The following SLC30A8 variants were observed in gnomAD, a reference collection of about 807,000 sequenced individuals.
SLC30A8 encodes solute carrier family 30 member 8, also known as proton-coupled zinc antiporter SLC30A8.
Under a neutral mutation model 36.9 loss-of-function variants are expected in SLC30A8, and 27 were observed. That is an observed-to-expected ratio of 0.73 (90% CI 0.54 to 1.01). The LOEUF is 1.01. Among genes scored for constraint, SLC30A8 ranks in the 50% least tolerant of loss-of-function variants. The pLI, the probability that SLC30A8 is intolerant of heterozygous loss-of-function variation, is 0.00. For synonymous variants in SLC30A8, 164 were observed against 172.4 expected (o/e 0.95, Z 0.38); for missense variants, 439 against 452.0 (o/e 0.97, Z 0.26).
chr8:117,016,729 A>T (rs1184878419), intron 1 of SLC30A8, among the ~76,000 whole-genome samples: 1 of 152,222 alleles, frequency 6.6e-6, no homozygotes, highest in Non-Finnish European at 1.5e-5. Flanking sequence ...AAATATGCTT[A>T]GAGCTTAAGA....
At chr8:117,140,485 C>T (rs142594511) in intron 1 of SLC30A8, among the ~76,000 whole-genome samples, 220 of 151,940 alleles carry the variant, frequency 1.4e-3, no homozygotes, top group African/African-American at 5.0e-3. Context: ...AAATAAAAAA[C>T]CTTGAAAGCA....
At chr8:117,146,784 C>A (rs1821917084) in intron 1 of SLC30A8, 170 bp from the exon 2 acceptor site, 5 of 1,406,182 alleles carry the variant, frequency 3.6e-6, no homozygotes, top group Non-Finnish European at 3.7e-6. Context: ...AAGGAAATTT[C>A]TAGCTTGTTT....
intron 1 of SLC30A8, among the ~76,000 whole-genome samples, chr8:117,001,927 A>G (rs1314079618): frequency 6.6e-6 from 1 of 152,216 alleles, no homozygotes; most frequent in Non-Finnish European, 1.5e-5. Context: ...ACCATTCTCT[A>G]AACAGAAGCT....
intron 2 of SLC30A8, among the ~76,000 whole-genome samples, chr8:117,053,625 G>A (rs1031886418): frequency 6.6e-6 from 1 of 152,176 alleles, no homozygotes; most frequent in Non-Finnish European, 1.5e-5. Context: ...GCTCTGACAA[G>A]CAAATCATGG....
chr8:117,153,785 G>T (rs748639146), intron 3 of SLC30A8, among the ~76,000 whole-genome samples: 8 of 151,146 alleles, frequency 5.3e-5, no homozygotes, highest in African/African-American at 1.7e-4. Flanking sequence ...GTTGACTGTT[G>T]TAACAGGAGG....
chr8:117,016,313 A>G (rs2130714067), intron 1 of SLC30A8, among the ~76,000 whole-genome samples: 1 of 152,342 alleles, frequency 6.6e-6, no homozygotes, highest in East Asian at 1.9e-4. Context: ...ATATTGAATC[A>G]AAGAGTTTTT....
intron 2 of SLC30A8, among the ~76,000 whole-genome samples, chr8:117,067,814 T>TCTAGTCATACTAAATGTC (rs1818214900): frequency 6.6e-6 from 1 of 152,182 alleles, no homozygotes; most frequent in Non-Finnish European, 1.5e-5. Flanking sequence ...GGCACAATGT[T>TCTAGTCATACTAAATGTC]CTAGTCATAC....
rs183899590 is a variant in SLC30A8 at position 117,032,846 on chromosome 8, C to T, written c.-265-6373C>T. On this transcript the variant is annotated intron_variant, in intron 1 of 10. Coordinates refer to the SLC30A8 transcript ENST00000427715. ...CGGAGGTTGCAATGAGCTGAGGTTG[C>T]GCCATTGCACTCCAGCCTGGGTGAC... Among the ~76,000 whole-genome samples, 44 of 151,494 alleles carry T rather than the reference C, an allele frequency of 2.9e-4. No homozygotes were observed. The East Asian group carries it at 4.1e-3, about 14-fold the overall frequency.
chr8:117,043,297 CTG>C (rs1817447903), intron 2 of SLC30A8, among the ~76,000 whole-genome samples: 1 of 152,230 alleles, frequency 6.6e-6, no homozygotes, highest in Non-Finnish European at 1.5e-5. Flanking sequence ...ACCCTCCAAA[CTG>C]TGGACTTTCA....
In SLC30A8 at chr8:117,099,098, T is replaced by C. The variant is rs183889573; in HGVS notation, c.-225-36182T>C. ...CAGCATGCTAGAAGTAGGAGCAGCT[T>C]AATATAAAGTATAAGATATGTATCT... On this transcript the variant is annotated intron_variant, in intron 2 of 10. Coordinates refer to the SLC30A8 transcript ENST00000427715. Among the ~76,000 whole-genome samples the C allele has an allele frequency of 7.6e-4, 115 of 152,294 alleles. 2 individuals carry two copies. Among genetic ancestry groups the C allele is most frequent in the African/African-American group, 2.6e-3 (110 of 41,570 alleles).
intron 2 of SLC30A8, among the ~76,000 whole-genome samples, chr8:117,116,374 C>G (rs772507771): frequency 6.6e-6 from 1 of 151,956 alleles, no homozygotes; most frequent in Admixed American, 6.6e-5. Context: ...ACTGATGTCA[C>G]GGACAATTGA....
intron 1 of SLC30A8, among the ~76,000 whole-genome samples, chr8:117,021,911 A>C (rs1391197759): frequency 1.3e-5 from 2 of 152,148 alleles, no homozygotes; most frequent in Non-Finnish European, 2.9e-5. Flanking sequence ...ATGGGGAAAC[A>C]TGACCTTTTT....
chr8:117,153,469 G>A (rs1227807406), intron 3 of SLC30A8, among the ~76,000 whole-genome samples: 2 of 152,186 alleles, frequency 1.3e-5, no homozygotes, highest in Non-Finnish European at 2.9e-5. Context: ...ACCCAAGAGA[G>A]TTATAGAGAT....
chr8:116,999,440 C>G (rs753215701), intron 1 of SLC30A8, among the ~76,000 whole-genome samples: 1 of 152,068 alleles, frequency 6.6e-6, no homozygotes, highest in South Asian at 2.1e-4. Flanking sequence ...GAGGGAGAGA[C>G]AAGGCGAGGG....
At chr8:117,153,723 GGTGTGTGT>G (rs59464276) in intron 3 of SLC30A8, among the ~76,000 whole-genome samples, 27 of 146,910 alleles carry the variant, frequency 1.8e-4, no homozygotes, top group East Asian at 6.0e-4. Context: ...CATGATAAGG[GGTGTGTGT>G]GTGTGTGTGT....
At chr8:117,084,471 A>G (rs1205229148) in intron 2 of SLC30A8, among the ~76,000 whole-genome samples, 3 of 152,190 alleles carry the variant, frequency 2.0e-5, no homozygotes, top group African/African-American at 7.2e-5. Context: ...AGAGTGTTCC[A>G]GAAAGATGCA....
intron 1 of SLC30A8, among the ~76,000 whole-genome samples, chr8:117,036,499 GA>G (rs1210219847): frequency 6.6e-6 from 1 of 152,128 alleles, no homozygotes. Context: ...AATTTATAAA[GA>G]AAAGAGGTTT....
chr8:117,150,446 A>G (rs1822125654), intron 2 of SLC30A8, among the ~76,000 whole-genome samples: 1 of 152,044 alleles, frequency 6.6e-6, no homozygotes, highest in Non-Finnish European at 1.5e-5. Context: ...CACAGGCCTT[A>G]AGTCAAGTCT....
chr8:117,057,003 G>A (rs1817891860), intron 2 of SLC30A8, among the ~76,000 whole-genome samples: 1 of 152,126 alleles, frequency 6.6e-6, no homozygotes, highest in Non-Finnish European at 1.5e-5. Context: ...AATGAGGATA[G>A]CACTTGCCTT....
Sources: gnomAD v4.1 joint callset for allele counts (sites outside exome capture counted in the v4.1 genomes callset) on GRCh38, gnomAD v4.1.1 for gene constraint, MANE v1.5 for transcripts, NCBI Gene and HGNC (gene_info 2026-07-23, HGNC 2026-07-21) for gene names.